Variants in IPMK observed in about 807,000 individuals in gnomAD.
IPMK encodes the protein inositol 1,3,4,6-tetrakisphosphate 5-kinase.
IPMK carries 17 observed loss-of-function variants against 45.8 expected under a neutral mutation model. The observed-to-expected ratio is 0.37, with a 90% CI of 0.25 to 0.56. The LOEUF (loss-of-function observed/expected upper bound fraction) is 0.56. Ranked by LOEUF, IPMK falls within the 20% of genes least tolerant of loss-of-function variation. IPMK has a pLI of 0.79. For synonymous variants in IPMK, 180 were observed against 184.3 expected (o/e 0.98, Z 0.19); for missense variants, 399 against 498.0 (o/e 0.80, Z 1.89).
chr10:58,265,851 A>G (rs1318743365), intron 1 of IPMK, among the ~76,000 whole-genome samples: 1 of 152,210 alleles, frequency 6.6e-6, no homozygotes, highest in Non-Finnish European at 1.5e-5. Context: ...CTCTTAAGTG[A>G]CAATTATTTA....
intron 3 of IPMK, among the ~76,000 whole-genome samples, chr10:58,226,661 A>G (rs1250891313): frequency 6.6e-6 from 1 of 152,180 alleles, no homozygotes; most frequent in Non-Finnish European, 1.5e-5. Flanking sequence ...GAGGTGAGGG[A>G]TGAAGGAACA....
chr10:58,228,755 G>A (rs942538651), intron 2 of IPMK, among the ~76,000 whole-genome samples: 1 of 152,142 alleles, frequency 6.6e-6, no homozygotes, highest in East Asian at 1.9e-4. Flanking sequence ...GGATGGTCTC[G>A]ATCTCCTGAC....
rs1837866194 is a variant in IPMK at position 58,194,665 on chromosome 10, T to G, written c.*1411A>C. ...GGTGCTCGGATTTAAAAATTCAATT[T>G]GTAACTCCAGAAGAAAAAGAGGAGA... On this transcript the variant is annotated 3_prime_UTR_variant, in exon 6 of 6. Transcript: ENST00000373935. 1.3e-5 allele frequency: 2 copies of G among 151,872 alleles called. No homozygotes were observed. Among genetic ancestry groups the G allele is most frequent in the African/African-American group, 4.8e-5 (2 of 41,396 alleles). 9.4% of individuals were successfully genotyped at this position (151,872 alleles called of 1,614,324 possible).
intron 1 of IPMK, among the ~76,000 whole-genome samples, chr10:58,242,459 C>CA (rs1377487096): frequency 0.071 from 3,171 of 44,496 alleles, 111 homozygotes; most frequent in African/African-American, 0.17. Flanking sequence ...GACTCCGTCT[C>CA]AAAAAAAAAA....
chr10:58,219,561 C>T (rs1331584207), intron 3 of IPMK, among the ~76,000 whole-genome samples: 1 of 152,206 alleles, frequency 6.6e-6, no homozygotes, highest in Non-Finnish European at 1.5e-5. Flanking sequence ...CTACAGGCAG[C>T]CTCACTTACA....
At position 58,203,025 on chromosome 10, in the gene IPMK, T is replaced by C. The variant is rs554314285; in HGVS notation, c.547-3704A>G. On this transcript the variant is annotated intron_variant, in intron 4 of 5. Coordinates refer to ENST00000373935, the MANE Select transcript of IPMK (RefSeq NM_152230.5). The stretch of plus-strand genomic sequence containing the variant: ...ATTCCTCTGATGGACTGGGGCAATG[T>C]AAATTGAAAACCTTTTGGAAAGAAT... Among the ~76,000 whole-genome samples, 6 of 152,326 alleles carry C rather than the reference T, an allele frequency of 3.9e-5. No homozygotes were observed. In the East Asian group the frequency reaches 1.2e-3, roughly 29 times the overall value.
At chr10:58,251,078 G>A (rs978153838) in intron 1 of IPMK, among the ~76,000 whole-genome samples, 4 of 152,064 alleles carry the variant, frequency 2.6e-5, no homozygotes, top group Admixed American at 6.6e-5. Context: ...CTAACTCATT[G>A]AGATGCATCA....
intron 1 of IPMK, among the ~76,000 whole-genome samples, chr10:58,258,377 A>C (rs1263769124): frequency 6.6e-6 from 1 of 152,208 alleles, no homozygotes; most frequent in Admixed American, 6.5e-5. Context: ...AAACAAGTTG[A>C]CCAAATTGAC....
Position 58,193,148 on chromosome 10 carries a change from T to C in IPMK, c.*2928A>G, listed in dbSNP as rs1344785107. On this transcript the variant is annotated 3_prime_UTR_variant, in exon 6 of 6. Coordinates refer to ENST00000373935, the MANE Select transcript of IPMK (RefSeq NM_152230.5). ...ATTTTCAGTAGCATGAAACAAAAAA[T>C]TGCAACTGAAGTATCTGTGGAAATT... 1.3e-5 allele frequency: 2 copies of C among 151,990 alleles called. No individual in the cohort carries two copies. The highest frequency in any genetic ancestry group is 4.8e-5 in the African/African-American group (2 of 41,456). The allele number at this position is 151,990 out of a possible 1,614,324, so 9.4% of individuals were successfully genotyped here. A position where few individuals can be genotyped will look rare whatever the true frequency, so the allele number is the denominator to read the frequency against.
intron 3 of IPMK, among the ~76,000 whole-genome samples, chr10:58,221,428 T>G (rs1056774937): frequency 6.9e-6 from 1 of 145,674 alleles, no homozygotes; most frequent in Non-Finnish European, 1.5e-5. Flanking sequence ...TAGTAAAGAT[T>G]ACTACAGTAA....
intron 2 of IPMK, among the ~76,000 whole-genome samples, chr10:58,234,356 A>C (rs567008312): frequency 1.3e-5 from 2 of 152,342 alleles, no homozygotes; most frequent in Non-Finnish European, 2.9e-5. Flanking sequence ...CCCATTGCTA[A>C]GACAATCCTA....
intron 3 of IPMK, among the ~76,000 whole-genome samples, chr10:58,224,013 T>A (rs1039634943): frequency 6.6e-6 from 1 of 152,198 alleles, no homozygotes; most frequent in Non-Finnish European, 1.5e-5. Context: ...TAAAGCAGCA[T>A]GAAAATGGAC....
chr10:58,258,528 T>C (rs773058515), intron 1 of IPMK, among the ~76,000 whole-genome samples: 2 of 152,132 alleles, frequency 1.3e-5, no homozygotes, highest in Admixed American at 6.5e-5. Context: ...AATATTCACA[T>C]AGGGAATATT....
chr10:58,242,875 G>C (rs1838717420), intron 1 of IPMK, among the ~76,000 whole-genome samples: 1 of 152,130 alleles, frequency 6.6e-6, no homozygotes, highest in Non-Finnish European at 1.5e-5. Context: ...CCCCCTTGCT[G>C]TTCTCATGAT....
At chr10:58,257,886 A>G (rs527981551) in intron 1 of IPMK, among the ~76,000 whole-genome samples, 1 of 152,362 alleles carries the variant, frequency 6.6e-6, no homozygotes, top group Admixed American at 6.5e-5. Context: ...AAGATGATAT[A>G]AAAATCCTAA....
chr10:58,254,599 T>C (rs1838937114), intron 1 of IPMK, among the ~76,000 whole-genome samples: 1 of 152,268 alleles, frequency 6.6e-6, no homozygotes, highest in Non-Finnish European at 1.5e-5. Flanking sequence ...CATACTTCGT[T>C]GGATTTTCAC....
chr10:58,249,511 A>G (rs1048418467), intron 1 of IPMK, among the ~76,000 whole-genome samples: 1 of 129,556 alleles, frequency 7.7e-6, no homozygotes, highest in East Asian at 2.4e-4. Flanking sequence ...TTGTATGTCC[A>G]CTTTTGAGAG....
At position 58,192,161 on chromosome 10, in the gene IPMK, C is replaced by T. The variant is rs1837827159; in HGVS notation, c.*3915G>A. 1 of 151,932 alleles carries T rather than the reference C, an allele frequency of 6.6e-6. No homozygotes were observed. Among genetic ancestry groups the T allele is most frequent in the Non-Finnish European group, 1.5e-5 (1 of 67,872 alleles). 9.4% of individuals were successfully genotyped at this position (151,932 alleles called of 1,614,324 possible). The stretch of plus-strand genomic sequence containing the variant: ...TCCAAACTTTTCTAAGAAATTAATG[C>T]ATTTTCAAAGTAATAATATAATCAA... On this transcript the variant is annotated 3_prime_UTR_variant, in exon 6 of 6. Transcript: ENST00000373935.
chr10:58,237,997 C>A (rs1838639927), intron 1 of IPMK, among the ~76,000 whole-genome samples, 183 bp from the exon 2 acceptor site: 1 of 152,104 alleles, frequency 6.6e-6, no homozygotes, highest in African/African-American at 2.4e-5. Context: ...AGCAAAGCAC[C>A]AGAACACAAA....
Sources: gnomAD v4.1 joint callset for allele counts (sites outside exome capture counted in the v4.1 genomes callset) on GRCh38, gnomAD v4.1.1 for gene constraint, MANE v1.5 for transcripts, NCBI Gene and HGNC (gene_info 2026-07-23, HGNC 2026-07-21) for gene names.